Variants in PEBP4 observed in about 807,000 individuals in gnomAD.
PEBP4 encodes the protein phosphatidylethanolamine-binding protein 4.
PEBP4 carries 22 observed loss-of-function variants against 23.9 expected under a neutral mutation model. The observed-to-expected ratio is 0.92, with a 90% CI of 0.66 to 1.31. The LOEUF is 1.31. PEBP4 is among the 40% of genes most tolerant of loss of function. The pLI is 0.00. For synonymous variants in PEBP4, 112 were observed against 99.3 expected (o/e 1.13, Z -0.76); for missense variants, 324 against 281.7 (o/e 1.15, Z -1.07).
intron 6 of PEBP4, among the ~76,000 whole-genome samples, chr8:22,719,079 T>A (rs1804470172): frequency 6.6e-6 from 1 of 152,156 alleles, no homozygotes; most frequent in Non-Finnish European, 1.5e-5. Flanking sequence ...CTCTCCTCTC[T>A]GACCCCTGTG....
chr8:22,804,883 T>C (rs762628926), intron 4 of PEBP4, among the ~76,000 whole-genome samples: 17 of 152,260 alleles, frequency 1.1e-4, no homozygotes, highest in Middle Eastern at 3.4e-3. Flanking sequence ...CCCCATCTGA[T>C]TCTGGAACAC....
At chr8:22,736,647 T>C (rs1169236675) in intron 4 of PEBP4, among the ~76,000 whole-genome samples, 1 of 152,100 alleles carries the variant, frequency 6.6e-6, no homozygotes, top group East Asian at 1.9e-4. Context: ...TGAAAGCAAA[T>C]ATCAGGAGTT....
chr8:22,846,346 G>A (rs1319666817), intron 3 of PEBP4, among the ~76,000 whole-genome samples: 1 of 152,184 alleles, frequency 6.6e-6, no homozygotes, highest in African/African-American at 2.4e-5. Flanking sequence ...TGGAAAAGGG[G>A]AAATGTGGCT....
intron 4 of PEBP4, among the ~76,000 whole-genome samples, chr8:22,740,686 C>A (rs985608195): frequency 2.0e-5 from 3 of 152,160 alleles, no homozygotes; most frequent in South Asian, 2.1e-4. Flanking sequence ...CTTCTGGAGA[C>A]CCCCTCCCCT....
At chr8:22,847,073 T>C (rs1402951681) in intron 3 of PEBP4, among the ~76,000 whole-genome samples, 2 of 152,228 alleles carry the variant, frequency 1.3e-5, no homozygotes, top group African/African-American at 4.8e-5. Context: ...TCCATCACTG[T>C]GAATGATGTG....
chr8:22,922,188 G>A (rs572662595), intron 2 of PEBP4, among the ~76,000 whole-genome samples: 102 of 152,284 alleles, frequency 6.7e-4, no homozygotes, highest in African/African-American at 2.3e-3. Context: ...CCAGGCCAGC[G>A]TTTGAACATA....
At chr8:22,777,150 G>A (rs1805829865) in intron 4 of PEBP4, among the ~76,000 whole-genome samples, 2 of 152,006 alleles carry the variant, frequency 1.3e-5, no homozygotes, top group African/African-American at 4.8e-5. Context: ...TGCTCATGAG[G>A]GAGGGAGGGT....
chr8:22,716,841 A>G (rs1804429075), intron 6 of PEBP4, among the ~76,000 whole-genome samples: 1 of 152,188 alleles, frequency 6.6e-6, no homozygotes, highest in Non-Finnish European at 1.5e-5. Context: ...GGCCCCTTTA[A>G]CACTGGCAGC....
intron 4 of PEBP4, among the ~76,000 whole-genome samples, chr8:22,803,200 C>G (rs958342685): frequency 5.3e-5 from 8 of 152,066 alleles, no homozygotes; most frequent in African/African-American, 1.9e-4. Context: ...GACCTCTTGC[C>G]CAATCTCTGG....
chr8:22,935,286 C>T (rs1809521640), intron 1 of PEBP4, among the ~76,000 whole-genome samples: 1 of 151,808 alleles, frequency 6.6e-6, no homozygotes, highest in Admixed American at 6.6e-5. Context: ...TTTGGGAAGC[C>T]GAGGTGGGTG....
intron 4 of PEBP4, among the ~76,000 whole-genome samples, chr8:22,755,022 G>C (rs1156504243): frequency 6.6e-6 from 1 of 152,186 alleles, no homozygotes; most frequent in African/African-American, 2.4e-5. Context: ...AGCCTGGGCT[G>C]GGGCTTTCCC....
At chr8:22,740,925 G>A (rs1706502058) in intron 4 of PEBP4, among the ~76,000 whole-genome samples, 1 of 152,178 alleles carries the variant, frequency 6.6e-6, no homozygotes, top group African/African-American at 2.4e-5. Context: ...GGGCACACAA[G>A]GGTGTTTGTT....
At chr8:22,910,974 G>T (rs185706270) in intron 3 of PEBP4, among the ~76,000 whole-genome samples, 3 of 152,014 alleles carry the variant, frequency 2.0e-5, no homozygotes, top group African/African-American at 7.2e-5. Flanking sequence ...GCGTAGGTTC[G>T]TTGAGTAGAA....
chr8:22,822,087 G>A (rs943247295), intron 3 of PEBP4, among the ~76,000 whole-genome samples: 1 of 152,000 alleles, frequency 6.6e-6, no homozygotes, highest in African/African-American at 2.4e-5. Flanking sequence ...GATAAAGGTT[G>A]TGTCAGTATC....
At chr8:22,913,264 G>A (rs924770823) in intron 3 of PEBP4, among the ~76,000 whole-genome samples, 3 of 152,102 alleles carry the variant, frequency 2.0e-5, no homozygotes, top group South Asian at 2.1e-4. Flanking sequence ...GTCCTGGAAC[G>A]ATCCAGATCC....
intron 4 of PEBP4, among the ~76,000 whole-genome samples, chr8:22,817,211 T>A (rs1327600357): frequency 6.6e-6 from 1 of 152,220 alleles, no homozygotes; most frequent in Non-Finnish European, 1.5e-5. Context: ...GGACTTCTCC[T>A]GGCCGGTTCT....
At chr8:22,789,734 T>C (rs1806098582) in intron 4 of PEBP4, among the ~76,000 whole-genome samples, 1 of 152,206 alleles carries the variant, frequency 6.6e-6, no homozygotes, top group African/African-American at 2.4e-5. Context: ...TCTTAAGAAA[T>C]GGATGCTCAC....
intron 3 of PEBP4, among the ~76,000 whole-genome samples, chr8:22,846,864 T>A (rs1191421756): frequency 6.6e-6 from 1 of 151,884 alleles, no homozygotes; most frequent in African/African-American, 2.4e-5. Context: ...AAAGGTGACA[T>A]AACAAAGGGG....
At chr8:22,750,845 G>A (rs1805240267) in intron 4 of PEBP4, among the ~76,000 whole-genome samples, 1 of 152,110 alleles carries the variant, frequency 6.6e-6, no homozygotes, top group African/African-American at 2.4e-5. Flanking sequence ...TTATTGTGCC[G>A]AGGGGAGAAG....
Sources: allele counts gnomAD v4.1 joint callset (sites outside exome capture counted in the v4.1 genomes callset), GRCh38; gene constraint gnomAD v4.1.1; transcripts MANE v1.5; gene names NCBI Gene and HGNC (gene_info 2026-07-23, HGNC 2026-07-21).